The following EPN2 variants were observed in gnomAD, a reference collection of about 807,000 sequenced individuals.
EPN2 encodes the protein epsin 2.
In EPN2, 34 loss-of-function variants were observed where a neutral mutation model predicts 61.7. The ratio of observed to expected loss-of-function variants is 0.55; its 90% CI spans 0.42 to 0.73. The LOEUF (loss-of-function observed/expected upper bound fraction) is 0.73. Ranked by LOEUF, EPN2 falls within the 30% of genes least tolerant of loss-of-function variation. The pLI is 0.00. For synonymous variants in EPN2, 349 were observed against 353.6 expected, an observed-to-expected ratio of 0.99 and a Z score of 0.15; for missense variants, 714 against 839.2, an observed-to-expected ratio of 0.85 and a Z score of 1.84.
intron 1 of EPN2, chr17:19,248,398 G>A (rs1307503305): frequency 6.6e-6 from 1 of 152,182 alleles, no homozygotes; most frequent in Non-Finnish European, 1.5e-5. Context: ...GTTCTTATCT[G>A]TTCTCTCAAG....
intron 4 of EPN2, chr17:19,308,724 T>C (rs1905976048): frequency 1.0e-6 from 1 of 969,038 alleles, no homozygotes; most frequent in African/African-American, 1.8e-5. Context: ...TCTGAGAGTT[T>C]TAGAGAAGCT....
intron 9 of EPN2, among the ~76,000 whole-genome samples, chr17:19,331,000 T>G (rs1907134575): frequency 6.6e-6 from 1 of 152,192 alleles, no homozygotes; most frequent in South Asian, 2.1e-4. Context: ...GTGTTTTGTT[T>G]TTTTGTTTTG....
At chr17:19,295,616 T>C (rs949081739) in intron 4 of EPN2, among the ~76,000 whole-genome samples, 14 of 152,254 alleles carry the variant, frequency 9.2e-5, no homozygotes, top group Non-Finnish European at 1.9e-4. Context: ...GTGTGGTTTC[T>C]CGATGCTTTA....
intron 4 of EPN2, among the ~76,000 whole-genome samples, chr17:19,295,985 T>C (rs951091452): frequency 2.6e-5 from 4 of 152,056 alleles, no homozygotes; most frequent in African/African-American, 9.7e-5. Flanking sequence ...TGGAGCAGCT[T>C]GGAAATTGAT....
At chr17:19,327,568 G>T (rs1906939740) in intron 7 of EPN2, among the ~76,000 whole-genome samples, 1 of 152,182 alleles carries the variant, frequency 6.6e-6, no homozygotes, top group Non-Finnish European at 1.5e-5. Flanking sequence ...AGCTACTTGG[G>T]AGGCGGCGGT....
intron 4 of EPN2, among the ~76,000 whole-genome samples, chr17:19,306,782 A>AC (rs1253895185): frequency 6.6e-6 from 1 of 152,126 alleles, no homozygotes; most frequent in African/African-American, 2.4e-5. Context: ...TTTCCAGAGC[A>AC]CTTTTTTTGG....
chr17:19,245,791 T>C (rs2081335805), intron 1 of EPN2, among the ~76,000 whole-genome samples: 1 of 151,892 alleles, frequency 6.6e-6, no homozygotes, highest in Admixed American at 6.6e-5. Flanking sequence ...GCCTCCTGAG[T>C]AGCTGGGACT....
chr17:19,253,019 A>G (rs4417595), intron 1 of EPN2, among the ~76,000 whole-genome samples: 4,970 of 152,274 alleles, frequency 0.033, 345 homozygotes, highest in South Asian at 0.19. Context: ...AAGGATTTAA[A>G]AGTGAACAAT....
In EPN2 at chr17:19,283,738, C is replaced by T; in HGVS notation, c.595+24C>T. ...CTGTGAGTAATGGAAGTGCTTCTCA[C>T]CCTTTGCCAGAGCAGCAGCAATGGG... On this transcript the variant is annotated intron_variant, in intron 3 of 10. Coordinates refer to ENST00000314728, the MANE Select transcript of EPN2 (RefSeq NM_014964.5). The surrounding 1 kb of genome is among the most constrained non-coding windows in gnomAD (Gnocchi z 7.0). The T allele has an allele frequency of 2.6e-6, 4 of 1,518,558 alleles. No individual in the cohort carries two copies. Among genetic ancestry groups the T allele is most frequent in the Admixed American group, 2.1e-5 (1 of 47,606 alleles). 94.1% of individuals were successfully genotyped at this position (1,518,558 alleles called of 1,614,324 possible).
At chr17:19,275,270 A>G (rs2045294962) in intron 1 of EPN2, among the ~76,000 whole-genome samples, 2 of 152,016 alleles carry the variant, frequency 1.3e-5, no homozygotes, top group African/African-American at 2.4e-5. Flanking sequence ...TTGCCTTTCT[A>G]CCTCTGGTTC....
intron 1 of EPN2, among the ~76,000 whole-genome samples, chr17:19,253,015 T>C (rs1887907864): frequency 1.3e-5 from 2 of 152,202 alleles, no homozygotes; most frequent in African/African-American, 4.8e-5. Flanking sequence ...TGTTAAGGAT[T>C]TAAAAGTGAA....
chr17:19,329,994 C>T (rs992138469), intron 9 of EPN2, among the ~76,000 whole-genome samples: 3 of 152,228 alleles, frequency 2.0e-5, no homozygotes, highest in South Asian at 2.1e-4. Context: ...CCTCCTTTTC[C>T]CAGACAACCA....
chr17:19,243,541 C>T (rs1390903400), intron 1 of EPN2, among the ~76,000 whole-genome samples: 4 of 151,762 alleles, frequency 2.6e-5, no homozygotes, highest in Admixed American at 6.6e-5. Flanking sequence ...TACAGGCACC[C>T]GCCACCACAC....
chr17:19,241,305 C>T (rs2044881899), intron 1 of EPN2, among the ~76,000 whole-genome samples: 2 of 152,116 alleles, frequency 1.3e-5, no homozygotes, highest in Non-Finnish European at 2.9e-5. Flanking sequence ...GACAAACTTG[C>T]CGGGCATGGT....
At chr17:19,289,730 T>TTTTTTTTTTTTTTG (rs2045443651) in intron 4 of EPN2, among the ~76,000 whole-genome samples, 1 of 118,456 alleles carries the variant, frequency 8.4e-6, no homozygotes, top group African/African-American at 3.9e-5. Context: ...CATGGTTTTT[T>TTTTTTTTTTTTTTG]TTTTTTTTTT....
chr17:19,259,112 A>T (rs1175043989), intron 1 of EPN2, among the ~76,000 whole-genome samples: 2 of 151,890 alleles, frequency 1.3e-5, no homozygotes, highest in East Asian at 3.8e-4. Flanking sequence ...ATTATATAAC[A>T]TAGCGGCTGC....
intron 2 of EPN2, chr17:19,282,446 T>A (rs1395987955): frequency 6.6e-6 from 1 of 152,206 alleles, no homozygotes; most frequent in Non-Finnish European, 1.5e-5. Flanking sequence ...CTCTTTCTTG[T>A]CCTCATGTGT....
intron 1 of EPN2, among the ~76,000 whole-genome samples, chr17:19,247,533 A>T (rs1324232968): frequency 2.0e-5 from 3 of 152,230 alleles, no homozygotes; most frequent in Non-Finnish European, 4.4e-5. Flanking sequence ...GGATCTCAGG[A>T]ACAGCAGGAG....
chr17:19,246,792 G>A lies in EPN2; in HGVS notation c.-294+9261G>A, dbSNP rs1209760786. 9.8e-5 allele frequency among the ~76,000 whole-genome samples: 13 copies of A among 133,160 alleles called. No homozygotes were observed. In the East Asian group the frequency reaches 1.9e-3, roughly 20 times the overall value. The allele number at this position is 133,160 out of a possible 152,430, so 87.4% of individuals were successfully genotyped here. On this transcript the variant is annotated intron_variant, in intron 1 of 10. Coordinates refer to ENST00000314728, the MANE Select transcript of EPN2 (RefSeq NM_014964.5). ...CTTTTTTTTTTTTTTTTTTTGAAGCGGAGTCTCGCTCTGTCACCCAGGCTG... is the reference window on the plus strand; with the variant it reads ...CTTTTTTTTTTTTTTTTTTTGAAGCAGAGTCTCGCTCTGTCACCCAGGCTG...
Sources: allele counts gnomAD v4.1 joint callset (sites outside exome capture counted in the v4.1 genomes callset), GRCh38; gene constraint gnomAD v4.1.1; non-coding constraint Gnocchi (gnomAD v3.1); transcripts MANE v1.5; gene names NCBI Gene and HGNC (gene_info 2026-07-23, HGNC 2026-07-21).